Variants in INPP4A observed in about 807,000 individuals in gnomAD.
The protein encoded by INPP4A is inositol polyphosphate-4-phosphatase type I A.
In INPP4A, 33 loss-of-function variants were observed where a neutral mutation model predicts 119.8. The observed-to-expected ratio is 0.28, with a 90% CI of 0.21 to 0.37. The LOEUF (loss-of-function observed/expected upper bound fraction) is 0.37, where lower values mean the gene tolerates loss of function less well. Ranked by LOEUF, INPP4A falls within the 10% of genes least tolerant of loss-of-function variation. INPP4A has a pLI of 1.00. For synonymous variants in INPP4A, 496 were observed against 500.7 expected, an observed-to-expected ratio of 0.99 and a Z score of 0.12; for missense variants, 956 against 1,289.9, an observed-to-expected ratio of 0.74 and a Z score of 3.97.
rs1195693490 is a variant in INPP4A at position 98,546,916 on chromosome 2, G to A, written c.1163+222G>A. Among the ~76,000 whole-genome samples, 3 of 147,522 alleles carry A rather than the reference G, an allele frequency of 2.0e-5. No homozygotes were observed. Among genetic ancestry groups the A allele is most frequent in the African/African-American group, 4.9e-5 (2 of 41,114 alleles). On this transcript the variant is annotated intron_variant, in intron 13 of 24. Transcript: ENST00000409851. This position sits in a 1 kb window ranked among gnomAD's most constrained non-coding sequence, Gnocchi z 4.2. ...GATCAATGGTCCTGTCCTGCAAAAT[G>A]AGGAGCAGATTGTGATCCACCTCAG...
chr2:98,481,328 T>C (rs1387149731), intron 1 of INPP4A, among the ~76,000 whole-genome samples: 3 of 151,994 alleles, frequency 2.0e-5, no homozygotes, highest in Non-Finnish European at 4.4e-5. Flanking sequence ...GAAAATTCCC[T>C]GGGGGGAAAG....
intron 4 of INPP4A, among the ~76,000 whole-genome samples, chr2:98,530,526 C>A (rs1478280649): frequency 1.3e-5 from 2 of 152,118 alleles, no homozygotes; most frequent in African/African-American, 4.8e-5. Flanking sequence ...AGCAGGTGTT[C>A]ATAGGGACTA....
intron 10 of INPP4A, among the ~76,000 whole-genome samples, chr2:98,542,746 C>G (rs935043366): frequency 4.6e-5 from 7 of 151,304 alleles, no homozygotes; most frequent in Non-Finnish European, 1.0e-4. Flanking sequence ...TATTTCAGTT[C>G]TTATACAGGT....
At chr2:98,573,636 C>T (rs964549122) in intron 23 of INPP4A, among the ~76,000 whole-genome samples, 5 of 152,178 alleles carry the variant, frequency 3.3e-5, no homozygotes, top group African/African-American at 1.2e-4. Context: ...GCTCGAGCAG[C>T]AGAGGGTCCA....
At chr2:98,568,071 G>A (rs1364717282) in intron 21 of INPP4A, among the ~76,000 whole-genome samples, 1 of 152,236 alleles carries the variant, frequency 6.6e-6, no homozygotes, top group African/African-American at 2.4e-5. Flanking sequence ...CACACTGAGT[G>A]TGATCAGGGT....
In INPP4A at chr2:98,519,936, CT is replaced by C; in HGVS notation, c.-103-6del. 1.3e-6 allele frequency: 1 copy of C among 785,422 alleles called. No individual in the cohort carries two copies. The highest frequency in any genetic ancestry group is 1.5e-5 in the South Asian group (1 of 66,478). 48.7% of individuals were successfully genotyped at this position (785,422 alleles called of 1,614,324 possible). A position where few individuals can be genotyped will look rare whatever the true frequency, so the allele number is the denominator to read the frequency against. On this transcript the variant is annotated splice_polypyrimidine_tract_variant and intron_variant, in intron 2 of 24. Transcript: ENST00000409851. ...TCCCCATGGTTTCTTACAAGTGCTC[CT>C]TTTCTCAGGGCTACTGCCACTTTAG...
At chr2:98,539,711 C>T (rs763392690) in intron 10 of INPP4A, 36 bp downstream of exon 10, 2 of 1,580,816 alleles carry the variant, frequency 1.3e-6, no homozygotes, top group East Asian at 2.4e-5. Flanking sequence ...GTCCATCATA[C>T]CCATGTCATG....
rs138962955 is a variant in INPP4A, at chr2:98,496,450, G to C, written c.-165-22514G>C. Reference sequence around the variant, plus strand: ...AAGAAAACATAGGTGAGGCGCTTCAGGACATTGGTACGGGCAAGGCTTTTT... The same window carrying C: ...AAGAAAACATAGGTGAGGCGCTTCACGACATTGGTACGGGCAAGGCTTTTT... On this transcript the variant is annotated intron_variant, in intron 1 of 24. Transcript: ENST00000409851. Among the ~76,000 whole-genome samples, 1,280 of 152,282 alleles carry C rather than the reference G, an allele frequency of 8.4e-3. 22 individuals are homozygous for C. The highest frequency in any genetic ancestry group is 0.03 in the African/African-American group (1,227 of 41,572).
chr2:98,477,282 C>T (rs150225665), intron 1 of INPP4A, among the ~76,000 whole-genome samples: 8 of 152,354 alleles, frequency 5.3e-5, no homozygotes, highest in Non-Finnish European at 8.8e-5. Context: ...GCAGCTCCCC[C>T]GCCGTCCCGT....
chr2:98,573,314 CT>C (rs1697816391), intron 23 of INPP4A, among the ~76,000 whole-genome samples: 1 of 152,234 alleles, frequency 6.6e-6, no homozygotes, highest in African/African-American at 2.4e-5. Flanking sequence ...CATTGTGCCT[CT>C]GATCTCCTCA....
Position 98,546,091 on chromosome 2 carries a change from C to T in INPP4A, c.1054+18C>T, listed in dbSNP as rs887847178. ...AGGATCAGGTACCTATTTTTCTGCTCCCTCTTGTTGAATCACATTTCGCTG... is the reference window on the plus strand; with the variant it reads ...AGGATCAGGTACCTATTTTTCTGCTTCCTCTTGTTGAATCACATTTCGCTG... On this transcript the variant is annotated intron_variant, in intron 12 of 24. Transcript: ENST00000409851. The surrounding 1 kb of genome is among the most constrained non-coding windows in gnomAD (Gnocchi z 4.2). 4.6e-5 allele frequency: 69 copies of T among 1,512,238 alleles called. No homozygotes were observed. The highest frequency in any genetic ancestry group is 5.3e-5 in the Non-Finnish European group (59 of 1,108,688). The allele number at this position is 1,512,238 out of a possible 1,614,324, so 93.7% of individuals were successfully genotyped here.
chr2:98,520,578 G>A, intron 3 of INPP4A, 109 bp from the exon 4 acceptor site: 1 of 710,468 alleles, frequency 1.4e-6, no homozygotes, highest in Admixed American at 2.9e-5. Flanking sequence ...GTCTTGCATG[G>A]CAGTTTTTGT....
At chr2:98,487,539 T>C (rs1458835026) in intron 1 of INPP4A, among the ~76,000 whole-genome samples, 1 of 152,230 alleles carries the variant, frequency 6.6e-6, no homozygotes, top group African/African-American at 2.4e-5. Flanking sequence ...GCCTGTCTTA[T>C]TTATTTAGTC....
chr2:98,466,475 C>T (rs17032120), intron 1 of INPP4A, among the ~76,000 whole-genome samples: 42,097 of 152,202 alleles, frequency 0.28, 5,891 homozygotes, highest in Middle Eastern at 0.35. Context: ...TTTCACTAAG[C>T]GTCGTTGCTG....
At position 98,572,795 on chromosome 2, in the gene INPP4A, G is replaced by A. The variant is rs201669762; in HGVS notation, c.2519-20G>A. 107 of 1,530,312 alleles carry A rather than the reference G, an allele frequency of 7.0e-5. No individual in the cohort carries two copies. The highest frequency in any genetic ancestry group is 2.5e-4 in the African/African-American group (18 of 72,754). The allele number at this position is 1,530,312 out of a possible 1,614,324, so 94.8% of individuals were successfully genotyped here. ...TCCTGGGTGCGTCACCCACTCCCAC[G>A]AACTCCTTTTCTCTTCCAGGCCTGC... On this transcript the variant is annotated intron_variant, in intron 22 of 24. Coordinates refer to ENST00000409851, the MANE Select transcript of INPP4A (RefSeq NM_001134225.2).
intron 1 of INPP4A, among the ~76,000 whole-genome samples, chr2:98,449,067 C>T (rs572132573): frequency 6.6e-6 from 1 of 152,284 alleles, no homozygotes; most frequent in South Asian, 2.1e-4. Flanking sequence ...CATTCTCTGG[C>T]CCTGCTAACT....
chr2:98,541,744 C>G (rs1206781631), intron 10 of INPP4A, among the ~76,000 whole-genome samples: 8 of 152,138 alleles, frequency 5.3e-5, no homozygotes, highest in Admixed American at 4.6e-4. Context: ...ACCACTATGC[C>G]CAGCTAATTT....
intron 1 of INPP4A, among the ~76,000 whole-genome samples, chr2:98,481,528 T>C (rs919647760): frequency 6.6e-6 from 1 of 152,206 alleles, no homozygotes; most frequent in African/African-American, 2.4e-5. Context: ...CTGGCATATG[T>C]TTTAGCTATC....
chr2:98,520,610 G>T, intron 3 of INPP4A, 77 bp from the exon 4 acceptor site: 2 of 846,970 alleles, frequency 2.4e-6, no homozygotes, highest in Admixed American at 5.1e-5. Context: ...GGAAGTAGAG[G>T]GTCATTTGTG....
Sources: allele counts gnomAD v4.1 joint callset (sites outside exome capture counted in the v4.1 genomes callset), GRCh38; gene constraint gnomAD v4.1.1; non-coding constraint Gnocchi (gnomAD v3.1); transcripts MANE v1.5; gene names NCBI Gene and HGNC (gene_info 2026-07-23, HGNC 2026-07-21).